Variants in EHMT1 observed in about 807,000 individuals in gnomAD.
The protein encoded by EHMT1 is euchromatic histone lysine methyltransferase 1, also known as histone-lysine N-methyltransferase EHMT1.
A neutral mutation model predicts 147.2 loss-of-function variants in EHMT1; 15 were observed. The observed-to-expected ratio is 0.10, with a 90% CI of 0.07 to 0.16. The LOEUF (loss-of-function observed/expected upper bound fraction) is 0.16. Ranked by LOEUF, EHMT1 falls within the 10% of genes least tolerant of loss-of-function variation. The pLI is 1.00. For missense variants in EHMT1, 1,587 were observed against 1,772.4 expected (o/e 0.90, Z 1.88); for synonymous variants, 795 against 709.6 (o/e 1.12, Z -1.91).
intron 1 of EHMT1, among the ~76,000 whole-genome samples, chr9:137,621,915 A>T (rs1385285902): frequency 5.3e-5 from 8 of 151,982 alleles, no homozygotes; most frequent in South Asian, 2.1e-4. Flanking sequence ...CCCTTAAAAA[A>T]AAAAGCTGTT....
chr9:137,648,288 A>T (rs1446141246), intron 1 of EHMT1, among the ~76,000 whole-genome samples: 2 of 152,142 alleles, frequency 1.3e-5, no homozygotes, highest in East Asian at 3.8e-4. Context: ...TACCTGGAAA[A>T]CCCAAAAGAG....
At chr9:137,683,248 G>A (rs1942131060) in intron 1 of EHMT1, among the ~76,000 whole-genome samples, 1 of 152,208 alleles carries the variant, frequency 6.6e-6, no homozygotes, top group Non-Finnish European at 1.5e-5. Flanking sequence ...AATGGCATTT[G>A]TAGACAAGAG....
chr9:137,699,724 G>T (rs1943683603), intron 1 of EHMT1, among the ~76,000 whole-genome samples: 1 of 150,998 alleles, frequency 6.6e-6, no homozygotes, highest in African/African-American at 2.4e-5. Flanking sequence ...AGTGGTACAT[G>T]CCTGTAGTCC....
At position 137,775,422 on chromosome 9, in the gene EHMT1, G is replaced by A. The variant is rs1338112257; in HGVS notation, c.1791+170G>A. On this transcript the variant is annotated intron_variant, in intron 11 of 26. Coordinates refer to ENST00000460843, the MANE Select transcript of EHMT1 (RefSeq NM_024757.5). This position sits in a 1 kb window ranked among gnomAD's most constrained non-coding sequence, Gnocchi z 6.1. ...TCACAAGCCCCTCACCACCCCTGTC[G>A]AGCCCCAGTGCCTTAGACACCTTCA... Among the ~76,000 whole-genome samples the A allele has an allele frequency of 6.6e-6, 1 of 151,774 alleles. No homozygotes were observed. Among genetic ancestry groups the A allele is most frequent in the Admixed American group, 6.6e-5 (1 of 15,250 alleles).
At position 137,754,102 on chromosome 9, in the gene EHMT1, T is replaced by A; in HGVS notation, c.1249-69T>A. The A allele has an allele frequency of 1.9e-6, 3 of 1,610,432 alleles. No individual in the cohort carries two copies. The South Asian group carries it at 3.3e-5, about 18-fold the overall frequency. On this transcript the variant is annotated intron_variant, in intron 7 of 26. Coordinates refer to ENST00000460843, the MANE Select transcript of EHMT1 (RefSeq NM_024757.5). ...GTGTTCTGTTTTGCAAGAAAACACTTGTAGTGCTCTTGCCTTCCGTAGCTT... is the reference window on the plus strand; with the variant it reads ...GTGTTCTGTTTTGCAAGAAAACACTAGTAGTGCTCTTGCCTTCCGTAGCTT...
chr9:137,784,159 G>A, intron 15 of EHMT1: 1 of 1,551,162 alleles, frequency 6.4e-7, no homozygotes, highest in Non-Finnish European at 8.7e-7. Context: ...GACTTATGGT[G>A]AGGACCTCGT....
At position 137,716,839 on chromosome 9, in the gene EHMT1, A is replaced by T. The variant is rs757024199; in HGVS notation, c.299A>T (p.Asp100Val). The change falls in exon 3 of 27, where the codon GAC becomes GTC. Residue 100 changes from aspartate to valine, a missense_variant. By Grantham distance (152) the Asp-to-Val change is radical (BLOSUM62 -3). Around this residue, in one of 7 missense-constraint regions of EHMT1, gnomAD observed 810 missense variants for 673.0 expected, o/e 1.20. Coordinates refer to ENST00000460843, the MANE Select transcript of EHMT1 (RefSeq NM_024757.5). The stretch of plus-strand genomic sequence containing the variant: ...GCGGAAAATGGGGTTTCAGAAAGAG[A>T]CTCAGAAGCGGCGAAGCAAAACCAC... ...RIAENGVSER[D>V]SEAAKQNHVT... 1 of 1,613,264 alleles carries T rather than the reference A, an allele frequency of 6.2e-7. No homozygotes were observed. Among genetic ancestry groups the T allele is most frequent in the Admixed American group, 1.7e-5 (1 of 60,010 alleles).
intron 18 of EHMT1, among the ~76,000 whole-genome samples, chr9:137,804,673 C>T (rs144454245): frequency 6.6e-6 from 1 of 152,164 alleles, no homozygotes; most frequent in Non-Finnish European, 1.5e-5. Flanking sequence ...CAAAGATATT[C>T]TCCCACATTT....
chr9:137,810,623 A>G (rs919962387), intron 18 of EHMT1, among the ~76,000 whole-genome samples: 7 of 151,998 alleles, frequency 4.6e-5, no homozygotes, highest in African/African-American at 1.7e-4. Flanking sequence ...TAAATCATCT[A>G]TATTTTACAT....
At chr9:137,620,761 A>G (rs1268930542) in intron 1 of EHMT1, among the ~76,000 whole-genome samples, 1 of 152,222 alleles carries the variant, frequency 6.6e-6, no homozygotes, top group Non-Finnish European at 1.5e-5. Context: ...GACCAGCACT[A>G]GTACAGTGTT....
intron 18 of EHMT1, among the ~76,000 whole-genome samples, chr9:137,806,252 C>T (rs991050557): frequency 3.3e-5 from 5 of 152,088 alleles, no homozygotes; most frequent in African/African-American, 7.2e-5. Context: ...TGAGCCACCA[C>T]GCCCAGCCGA....
chr9:137,769,531 AC>A (rs1950459955), intron 10 of EHMT1, among the ~76,000 whole-genome samples: 2 of 143,024 alleles, frequency 1.4e-5, no homozygotes, highest in Admixed American at 1.4e-4. Context: ...GCAGTTCCCC[AC>A]CCCCCAGCCC....
intron 1 of EHMT1, among the ~76,000 whole-genome samples, chr9:137,691,538 T>A (rs1234940279): frequency 1.3e-5 from 2 of 152,144 alleles, no homozygotes; most frequent in Non-Finnish European, 2.9e-5. Context: ...TGTCCGTTGA[T>A]GGACACTTGG....
intron 1 of EHMT1, among the ~76,000 whole-genome samples, chr9:137,639,764 T>C (rs1398625159): frequency 6.6e-6 from 1 of 152,168 alleles, no homozygotes; most frequent in Admixed American, 6.6e-5. Context: ...AGTTGAATCA[T>C]ATATATGTAT....
At position 137,731,098 on chromosome 9, in the gene EHMT1, C is replaced by G. The variant is rs1336098116; in HGVS notation, c.823+2569C>G. 1.3e-5 allele frequency among the ~76,000 whole-genome samples: 2 copies of G among 152,152 alleles called. No homozygotes were observed. The highest frequency in any genetic ancestry group is 4.8e-5 in the African/African-American group (2 of 41,432). ...TCTTTTAAAAAGAGCTTTCTAAAAA[C>G]AAACTACCCAGCGTGTTTAGCAGGC... is the stretch of plus-strand genomic sequence containing the variant. On this transcript the variant is annotated intron_variant, in intron 4 of 26. Transcript: ENST00000460843. The surrounding 1 kb of genome is among the most constrained non-coding windows in gnomAD (Gnocchi z 4.3).
At chr9:137,673,143 AG>A (rs1940869073) in intron 1 of EHMT1, among the ~76,000 whole-genome samples, 1 of 152,160 alleles carries the variant, frequency 6.6e-6, no homozygotes, top group African/African-American at 2.4e-5. Context: ...CTTTTGCATC[AG>A]GGTTGTCTCA....
intron 16 of EHMT1, 38 bp from the exon 17 acceptor site, chr9:137,798,775 G>T (rs1219963142): frequency 1.3e-6 from 2 of 1,548,312 alleles, no homozygotes; most frequent in Non-Finnish European, 1.8e-6. Context: ...CAGGATCACA[G>T]GTATGGATTC....
At chr9:137,649,649 A>G (rs2133929942) in intron 1 of EHMT1, among the ~76,000 whole-genome samples, 1 of 152,286 alleles carries the variant, frequency 6.6e-6, no homozygotes, top group African/African-American at 2.4e-5. Context: ...AAGAGGACAC[A>G]GACTCAGGGA....
chr9:137,688,876 G>A (rs1314392657), intron 1 of EHMT1, among the ~76,000 whole-genome samples: 1 of 152,130 alleles, frequency 6.6e-6, no homozygotes, highest in East Asian at 1.9e-4. Flanking sequence ...TCACATCCGC[G>A]GATGGCCGTG....
Sources: gnomAD v4.1 joint callset for allele counts (sites outside exome capture counted in the v4.1 genomes callset) on GRCh38, gnomAD v4.1.1 for gene constraint, gnomAD v4.1.1 regional missense constraint, Gnocchi (gnomAD v3.1) non-coding constraint, MANE v1.5 for transcripts, NCBI Gene and HGNC (gene_info 2026-07-23, HGNC 2026-07-21) for gene names.